Variants in PDZRN4 observed in about 807,000 individuals in gnomAD.
PDZRN4 encodes the protein PDZ domain containing ring finger 4, also known as PDZ domain-containing RING finger protein 4.
A neutral mutation model predicts 99.0 loss-of-function variants in PDZRN4; 70 were observed. The observed-to-expected ratio is 0.71, with a 90% CI of 0.58 to 0.86. The LOEUF is 0.86. Among genes scored for constraint, PDZRN4 ranks in the 40% least tolerant of loss-of-function variants. The probability of loss-of-function intolerance (pLI) is 0.00; values close to 1 mark genes in which losing one functional copy is unlikely to be tolerated. For missense variants in PDZRN4, 1,474 were observed against 1,331.2 expected (o/e 1.11, Z -1.67); for synonymous variants, 551 against 501.6 (o/e 1.10, Z -1.32).
At chr12:41,203,475 C>T (rs1481971574) in intron 3 of PDZRN4, among the ~76,000 whole-genome samples, 6 of 152,002 alleles carry the variant, frequency 3.9e-5, no homozygotes, top group Admixed American at 6.6e-5. Context: ...GTGTGTCTTG[C>T]TTGGCAGCCA....
intron 3 of PDZRN4, among the ~76,000 whole-genome samples, chr12:41,364,760 G>A (rs1251843755): frequency 6.6e-6 from 1 of 151,978 alleles, no homozygotes; most frequent in African/African-American, 2.4e-5. Context: ...TTGGGAAGGG[G>A]GAATATAGGA....
intron 5 of PDZRN4, among the ~76,000 whole-genome samples, chr12:41,531,214 G>C (rs894548172): frequency 1.3e-5 from 2 of 152,230 alleles, no homozygotes; most frequent in Admixed American, 1.3e-4. Flanking sequence ...TTATTGAGTG[G>C]AAGTAGCTCT....
chr12:41,465,410 CT>C (rs138083095), intron 3 of PDZRN4, among the ~76,000 whole-genome samples: 4 of 152,098 alleles, frequency 2.6e-5, no homozygotes, highest in African/African-American at 7.2e-5. Flanking sequence ...TTTTTAAACT[CT>C]TTTTTTCTAA....
At chr12:41,366,306 AGTGTG>A (rs1218168477) in intron 3 of PDZRN4, among the ~76,000 whole-genome samples, 2 of 152,176 alleles carry the variant, frequency 1.3e-5, no homozygotes, top group African/African-American at 4.8e-5. Context: ...AAAGTCATAT[AGTGTG>A]CAGAGTGTTA....
At chr12:41,342,791 G>C (rs984656292) in intron 3 of PDZRN4, among the ~76,000 whole-genome samples, 2 of 151,766 alleles carry the variant, frequency 1.3e-5, no homozygotes, top group African/African-American at 4.8e-5. Context: ...CTATGAAAAA[G>C]AGATGGAGTT....
At chr12:41,306,644 C>T (rs1054991339) in intron 3 of PDZRN4, among the ~76,000 whole-genome samples, 2 of 152,168 alleles carry the variant, frequency 1.3e-5, no homozygotes, top group Admixed American at 6.5e-5. Context: ...CGAGAATTCT[C>T]CAAATGTTTA....
At chr12:41,321,800 A>G (rs1460281083) in intron 3 of PDZRN4, among the ~76,000 whole-genome samples, 2 of 152,164 alleles carry the variant, frequency 1.3e-5, no homozygotes, top group East Asian at 3.8e-4. Context: ...ATTTCCTTGA[A>G]CAGAGATGCT....
intron 7 of PDZRN4, among the ~76,000 whole-genome samples, chr12:41,559,605 C>G (rs964103451): frequency 6.6e-6 from 1 of 152,096 alleles, no homozygotes; most frequent in African/African-American, 2.4e-5. Flanking sequence ...CAATAACGTT[C>G]CTAAGGATGA....
At chr12:41,268,529 A>C (rs993947151) in intron 3 of PDZRN4, among the ~76,000 whole-genome samples, 6 of 152,226 alleles carry the variant, frequency 3.9e-5, no homozygotes, top group Non-Finnish European at 7.3e-5. Context: ...AGACTTTTTA[A>C]CATGGTCTCA....
At chr12:41,571,372 T>TCACACACACACA (rs1555154803) in intron 9 of PDZRN4, among the ~76,000 whole-genome samples, 8 of 103,722 alleles carry the variant, frequency 7.7e-5, no homozygotes, top group African/African-American at 4.3e-4. Context: ...TCTCTCTCTC[T>TCACACACACACA]CTCTCACACA....
At chr12:41,250,531 T>G (rs1370860111) in intron 3 of PDZRN4, among the ~76,000 whole-genome samples, 8 of 152,234 alleles carry the variant, frequency 5.3e-5, no homozygotes, top group Non-Finnish European at 1.2e-4. Context: ...AGTCCATCCC[T>G]AAATAACTAA....
At chr12:41,231,731 T>C (rs566568181) in intron 3 of PDZRN4, among the ~76,000 whole-genome samples, 2 of 152,112 alleles carry the variant, frequency 1.3e-5, no homozygotes, top group Non-Finnish European at 2.9e-5. Flanking sequence ...CAGTGAATAG[T>C]TCTCACATTT....
intron 3 of PDZRN4, among the ~76,000 whole-genome samples, chr12:41,488,396 C>T (rs1015488077): frequency 2.4e-4 from 36 of 152,104 alleles, no homozygotes; most frequent in African/African-American, 8.7e-4. Context: ...GAGGAAATTA[C>T]AATATTAAAT....
At chr12:41,510,423 A>G (rs747929100) in intron 5 of PDZRN4, among the ~76,000 whole-genome samples, 5 of 152,156 alleles carry the variant, frequency 3.3e-5, no homozygotes, top group Non-Finnish European at 5.9e-5. Flanking sequence ...TTGTTAAACT[A>G]TATTTATTCT....
At chr12:41,457,994 G>A (rs906075946) in intron 3 of PDZRN4, among the ~76,000 whole-genome samples, 27 of 152,092 alleles carry the variant, frequency 1.8e-4, no homozygotes, top group African/African-American at 6.3e-4. Context: ...GAAAAGGGAG[G>A]GGGAATTGGA....
chr12:41,385,219 A>G (rs1383539358), intron 3 of PDZRN4, among the ~76,000 whole-genome samples: 1 of 152,224 alleles, frequency 6.6e-6, no homozygotes, highest in South Asian at 2.1e-4. Flanking sequence ...AATTCTGGGG[A>G]GGAGTTGCAC....
Position 41,189,079 on chromosome 12 carries a change from C to G in PDZRN4, c.624C>G (p.Gly208=). The G allele has an allele frequency of 6.3e-7, 1 of 1,581,326 alleles. No homozygotes were observed. Among genetic ancestry groups the G allele is most frequent in the Non-Finnish European group, 8.5e-7 (1 of 1,171,976 alleles). The part of the protein sequence containing the change: ...QYMAHVRNFV[G]DLGGGHRRDG... Reference sequence around the variant, plus strand: ...TGGCTCACGTCCGCAACTTCGTCGGCGACCTCGGTGGCGGCCACCGCAGGG... The same window carrying G: ...TGGCTCACGTCCGCAACTTCGTCGGGGACCTCGGTGGCGGCCACCGCAGGG... Residue 208 remains glycine (G), a synonymous_variant, in exon 1 of 10, where the codon GGC becomes GGG. Transcript: ENST00000402685.
At chr12:41,322,439 T>G (rs932839937) in intron 3 of PDZRN4, among the ~76,000 whole-genome samples, 24 of 151,562 alleles carry the variant, frequency 1.6e-4, no homozygotes, top group African/African-American at 5.8e-4. Flanking sequence ...AATGAGTGTA[T>G]TATGGAATGT....
At chr12:41,371,588 A>G (rs1475771341) in intron 3 of PDZRN4, among the ~76,000 whole-genome samples, 4 of 152,138 alleles carry the variant, frequency 2.6e-5, no homozygotes, top group South Asian at 2.1e-4. Flanking sequence ...AACAACAAAT[A>G]AAAGAGTCTG....
Sources: gnomAD v4.1 joint callset for allele counts (sites outside exome capture counted in the v4.1 genomes callset) on GRCh38, gnomAD v4.1.1 for gene constraint, MANE v1.5 for transcripts, NCBI Gene and HGNC (gene_info 2026-07-23, HGNC 2026-07-21) for gene names.